PRICKLE1: variants seen among roughly 807,000 people sequenced by gnomAD.
PRICKLE1 encodes prickle-like protein 1.
A neutral mutation model predicts 70.2 loss-of-function variants in PRICKLE1; 14 were observed. The observed-to-expected ratio is 0.20, with a 90% confidence interval of 0.13 to 0.31. The LOEUF (loss-of-function observed/expected upper bound fraction) is 0.31, where lower values mean the gene tolerates loss of function less well. Ranked by LOEUF, PRICKLE1 falls within the 10% of genes least tolerant of loss-of-function variation. PRICKLE1 has a pLI of 1.00. For synonymous variants in PRICKLE1, 357 were observed against 379.9 expected, an observed-to-expected ratio of 0.94 and a Z score of 0.70; for missense variants, 821 against 1,026.2, an observed-to-expected ratio of 0.80 and a Z score of 2.73.
intron 1 of PRICKLE1, among the ~76,000 whole-genome samples, chr12:42,562,944 C>T (rs1940542814): frequency 6.6e-6 from 1 of 152,110 alleles, no homozygotes; most frequent in African/African-American, 2.4e-5. Context: ...AATCTCAGCA[C>T]TTTGGGAGGC....
intron 1 of PRICKLE1, among the ~76,000 whole-genome samples, chr12:42,475,357 C>T (rs188034599): frequency 1.6e-3 from 242 of 152,334 alleles, no homozygotes; most frequent in African/African-American, 5.6e-3. Context: ...ATCACTGCAT[C>T]AAGCAACCCA....
chr12:42,506,167 G>A (rs1432842820), intron 1 of PRICKLE1, among the ~76,000 whole-genome samples: 3 of 151,980 alleles, frequency 2.0e-5, no homozygotes, highest in Non-Finnish European at 4.4e-5. Flanking sequence ...AGTGATTTTA[G>A]GGATTTGACC....
At chr12:42,577,011 T>G (rs185238320) in intron 1 of PRICKLE1, among the ~76,000 whole-genome samples, 144 of 152,304 alleles carry the variant, frequency 9.5e-4, no homozygotes, top group African/African-American at 3.2e-3. Flanking sequence ...ATTGAAAATA[T>G]TAGGAATGCA....
intron 1 of PRICKLE1, among the ~76,000 whole-genome samples, chr12:42,491,281 G>A (rs776275060): frequency 1.3e-4 from 20 of 151,276 alleles, no homozygotes; most frequent in Non-Finnish European, 2.5e-4. Context: ...GGCCGGGCGC[G>A]GTAGCTCACA....
intron 1 of PRICKLE1, among the ~76,000 whole-genome samples, chr12:42,497,473 C>T (rs978138071): frequency 3.5e-5 from 5 of 143,738 alleles, no homozygotes; most frequent in Non-Finnish European, 7.5e-5. Flanking sequence ...GGCGTGAACC[C>T]GGGAGGCAGA....
chr12:42,548,212 C>T (rs932505640), intron 1 of PRICKLE1, among the ~76,000 whole-genome samples: 5 of 151,900 alleles, frequency 3.3e-5, no homozygotes, highest in African/African-American at 1.2e-4. Context: ...TGCAACCAGT[C>T]ACTTGAGGTC....
intron 1 of PRICKLE1, among the ~76,000 whole-genome samples, chr12:42,487,796 G>A (rs537073600): frequency 1.2e-4 from 19 of 152,068 alleles, no homozygotes; most frequent in Non-Finnish European, 2.6e-4. Context: ...CTATAATCCC[G>A]GCACTTTGGG....
chr12:42,580,944 G>C (rs1287427766), intron 1 of PRICKLE1, among the ~76,000 whole-genome samples: 1 of 152,110 alleles, frequency 6.6e-6, no homozygotes, highest in Admixed American at 6.6e-5. Flanking sequence ...GAAAGGGAGA[G>C]AGAGAGTAAG....
chr12:42,485,556 CTGTT>C (rs1483945912), intron 1 of PRICKLE1: 2 of 152,122 alleles, frequency 1.3e-5, no homozygotes, highest in African/African-American at 2.4e-5. Context: ...CTACTTCACT[CTGTT>C]TGGGCTTCCT....
At chr12:42,508,087 G>A (rs1939449679) in intron 1 of PRICKLE1, among the ~76,000 whole-genome samples, 1 of 151,778 alleles carries the variant, frequency 6.6e-6, no homozygotes, top group Non-Finnish European at 1.5e-5. Context: ...ATATTTTTAA[G>A]AACTCATGAA....
intron 1 of PRICKLE1, among the ~76,000 whole-genome samples, chr12:42,488,969 G>A (rs958945270): frequency 6.9e-6 from 1 of 145,262 alleles, no homozygotes; most frequent in African/African-American, 2.7e-5. Context: ...TGTTGCCCAG[G>A]CTGCAGTGCA....
intron 1 of PRICKLE1, among the ~76,000 whole-genome samples, chr12:42,501,371 A>G (rs1253888052): frequency 6.6e-6 from 1 of 152,032 alleles, no homozygotes; most frequent in Non-Finnish European, 1.5e-5. Context: ...TTAGCTGGGC[A>G]TGGAGGCGCG....
At chr12:42,550,441 G>C (rs754330307) in intron 1 of PRICKLE1, 23 of 152,164 alleles carry the variant, frequency 1.5e-4, no homozygotes, top group Non-Finnish European at 3.2e-4. Context: ...AAATTCACTG[G>C]AAACATTAGT....
intron 1 of PRICKLE1, among the ~76,000 whole-genome samples, chr12:42,567,400 C>A (rs1940637777): frequency 6.6e-6 from 1 of 152,186 alleles, no homozygotes; most frequent in African/African-American, 2.4e-5. Context: ...TGGAGTATTT[C>A]TCAAATGGAA....
At chr12:42,527,765 T>A (rs1441413818) in intron 1 of PRICKLE1, among the ~76,000 whole-genome samples, 5 of 151,972 alleles carry the variant, frequency 3.3e-5, no homozygotes, top group African/African-American at 1.2e-4. Flanking sequence ...GAGTAAAATG[T>A]TAGGAATTAA....
At chr12:42,512,461 G>A (rs185207927) in intron 1 of PRICKLE1, among the ~76,000 whole-genome samples, 116 of 152,220 alleles carry the variant, frequency 7.6e-4, no homozygotes, top group African/African-American at 2.6e-3. Flanking sequence ...CAGGCATGAG[G>A]CACCGTGCCC....
At chr12:42,481,958 A>G (rs1194211412) in intron 1 of PRICKLE1, among the ~76,000 whole-genome samples, 1 of 152,260 alleles carries the variant, frequency 6.6e-6, no homozygotes, top group Non-Finnish European at 1.5e-5. Context: ...ATAAAAACAT[A>G]ATGAAGTTAT....
chr12:42,465,542 G>A (rs116681213), intron 6 of PRICKLE1: 230 of 417,042 alleles, frequency 5.5e-4, no homozygotes, highest in African/African-American at 4.1e-3. Context: ...CACTGATCCA[G>A]GAGATGCTCA....
intron 1 of PRICKLE1, among the ~76,000 whole-genome samples, chr12:42,554,479 G>A (rs553542132): frequency 4.6e-5 from 7 of 152,194 alleles, no homozygotes; most frequent in Non-Finnish European, 7.4e-5. Context: ...GATTTCCCTC[G>A]TTATCTTTTT....
Sources: gnomAD v4.1 joint callset for allele counts (sites outside exome capture counted in the v4.1 genomes callset) on GRCh38, gnomAD v4.1.1 for gene constraint, MANE v1.5 for transcripts, NCBI Gene and HGNC (gene_info 2026-07-23, HGNC 2026-07-21) for gene names.